The following UGDH variants were observed in gnomAD, a reference collection of about 807,000 sequenced individuals.
UGDH encodes the protein UDP-Glc dehydrogenase.
A neutral mutation model predicts 50.6 loss-of-function variants in UGDH; 38 were observed. The ratio of observed to expected loss-of-function variants is 0.75; its 90% CI spans 0.58 to 0.98. The LOEUF is 0.98. UGDH is among the 50% of genes least tolerant of loss of function. UGDH has a pLI of 0.00. For missense variants in UGDH, 465 were observed against 606.2 expected (o/e 0.77, Z 2.45); for synonymous variants, 168 against 199.9 (o/e 0.84, Z 1.35).
In UGDH at chr4:39,510,676, G is replaced by C; in HGVS notation, c.450C>G (p.Pro150=). The C allele has an allele frequency of 1.2e-6, 2 of 1,614,242 alleles. No homozygotes were observed. The highest frequency in any genetic ancestry group is 1.6e-4 in the Middle Eastern group (1 of 6,062). The stretch of plus-strand genomic sequence containing the variant: ...TTTTTTATACCTGTAAATTCAAGTT[G>C]GGTTTTGTGTTTGCATCAAATATGC... ...IRRIFDANTK[P]NLNLQVLSNP... The change falls in exon 4 of 12, where the codon CCC becomes CCG. Residue 150 remains proline (P), a synonymous_variant. Coordinates refer to ENST00000316423, the MANE Select transcript of UGDH (RefSeq NM_003359.4).
chr4:39,500,299 G>A (rs762961686), intron 11 of UGDH, 46 bp from the exon 12 acceptor site: 83 of 1,250,674 alleles, frequency 6.6e-5, no homozygotes, highest in Non-Finnish European at 8.1e-5. Flanking sequence ...AATTATATAA[G>A]TGTAAGAATT....
chr4:39,500,917 G>A (rs553213450), intron 11 of UGDH, among the ~76,000 whole-genome samples: 1 of 151,422 alleles, frequency 6.6e-6, no homozygotes, highest in South Asian at 2.1e-4. Context: ...GCCTCCCAGA[G>A]TGCTGGGATT....
chr4:39,505,888 T>C, intron 7 of UGDH, 140 bp from the exon 8 acceptor site: 1 of 766,556 alleles, frequency 1.3e-6, no homozygotes. Context: ...TTAACCAAAC[T>C]CTAGTGCCTA....
In UGDH at chr4:39,499,914, C is replaced by A; in HGVS notation, c.*229G>T. ...GCACTGTGGCGGGTGCCTGTAGTCCCAGCTACTTGGGAGGCTGAGCCAGGA... is the reference window on the plus strand; with the variant it reads ...GCACTGTGGCGGGTGCCTGTAGTCCAAGCTACTTGGGAGGCTGAGCCAGGA... On this transcript the variant is annotated 3_prime_UTR_variant, in exon 12 of 12. Coordinates refer to ENST00000316423, the MANE Select transcript of UGDH (RefSeq NM_003359.4). 1 of 321,114 alleles carries A rather than the reference C, an allele frequency of 3.1e-6. No individual in the cohort carries two copies. The highest frequency in any genetic ancestry group is 5.7e-6 in the Non-Finnish European group (1 of 174,962). 19.9% of individuals were successfully genotyped at this position (321,114 alleles called of 1,614,324 possible). A position where few individuals can be genotyped will look rare whatever the true frequency, so the allele number is the denominator to read the frequency against.
chr4:39,527,394 C>A lies in UGDH; in HGVS notation c.-119G>T, dbSNP rs1450767251. ...CCACCCGCGCCCCGCTCGATCTGAG[C>A]TCCCTCTCGGCGCACGCCCCTCCCT... On this transcript the variant is annotated 5_prime_UTR_variant, in exon 1 of 12. Coordinates refer to ENST00000316423, the MANE Select transcript of UGDH (RefSeq NM_003359.4). The A allele has an allele frequency of 3.8e-6, 1 of 260,390 alleles. No individual in the cohort carries two copies. The highest frequency in any genetic ancestry group is 4.5e-5 in the Admixed American group (1 of 22,242). The allele number at this position is 260,390 out of a possible 1,614,324, so 16.1% of individuals were successfully genotyped here.
At chr4:39,503,385 A>C (rs1265959043) in intron 11 of UGDH, among the ~76,000 whole-genome samples, 1 of 152,186 alleles carries the variant, frequency 6.6e-6, no homozygotes, top group African/African-American at 2.4e-5. Context: ...GGCCAGTACC[A>C]TTGAAACTCC....
chr4:39,510,252 C>A (rs1346588188), intron 5 of UGDH, 101 bp downstream of exon 5: 1 of 1,197,854 alleles, frequency 8.3e-7, no homozygotes, highest in Non-Finnish European at 1.2e-6. Flanking sequence ...AAAAGCATAA[C>A]CTCTTACTAC....
At chr4:39,511,091 T>C (rs1746227882) in intron 3 of UGDH, among the ~76,000 whole-genome samples, 1 of 152,170 alleles carries the variant, frequency 6.6e-6, no homozygotes, top group African/African-American at 2.4e-5. Flanking sequence ...CTACTATCTA[T>C]ATGCCGGATA....
intron 7 of UGDH, among the ~76,000 whole-genome samples, chr4:39,508,219 T>C (rs1746100780): frequency 6.6e-6 from 1 of 152,114 alleles, no homozygotes; most frequent in Non-Finnish European, 1.5e-5. Flanking sequence ...GAAACTGCTA[T>C]TATTATTGCT....
intron 11 of UGDH, among the ~76,000 whole-genome samples, chr4:39,501,413 A>C (rs1230660134): frequency 6.6e-6 from 1 of 151,666 alleles, no homozygotes; most frequent in Non-Finnish European, 1.5e-5. Flanking sequence ...AGCTGGGACC[A>C]CAGGTGCCTG....
chr4:39,521,646 C>T (rs1334112269), intron 1 of UGDH, 127 bp from the exon 2 acceptor site: 22 of 746,058 alleles, frequency 2.9e-5, no homozygotes, highest in Admixed American at 2.4e-4. Flanking sequence ...TTCCTACATT[C>T]GCTCTGAGGA....
At chr4:39,504,572 TC>T in intron 9 of UGDH, 64 bp from the exon 10 acceptor site, 3 of 1,367,864 alleles carry the variant, frequency 2.2e-6, no homozygotes, top group Non-Finnish European at 1.0e-6. Flanking sequence ...TTACAGTAGT[TC>T]CCCCCTTATC....
intron 3 of UGDH, among the ~76,000 whole-genome samples, chr4:39,513,856 A>G (rs10019290): frequency 0.38 from 57,333 of 151,960 alleles, 13,286 homozygotes; most frequent in East Asian, 0.69. Context: ...CTAAATCTCA[A>G]ATTAGAACTT....
intron 1 of UGDH, among the ~76,000 whole-genome samples, chr4:39,522,400 GA>G (rs1217378933): frequency 6.6e-6 from 1 of 152,204 alleles, no homozygotes; most frequent in East Asian, 1.9e-4. Context: ...AGATTCCAAA[GA>G]GAAGGAAAAT....
intron 2 of UGDH, among the ~76,000 whole-genome samples, chr4:39,515,609 T>C (rs925318411): frequency 1.3e-5 from 2 of 152,118 alleles, no homozygotes; most frequent in African/African-American, 4.8e-5. Context: ...CTAAATCTGA[T>C]TGGACCTGTA....
At chr4:39,521,652 G>T in intron 1 of UGDH, 133 bp from the exon 2 acceptor site, 1 of 703,454 alleles carries the variant, frequency 1.4e-6, no homozygotes, top group Non-Finnish European at 2.1e-6. Flanking sequence ...CATTCGCTCT[G>T]AGGAATTATG....
At chr4:39,511,874 A>G (rs1273315746) in intron 3 of UGDH, among the ~76,000 whole-genome samples, 6 of 150,792 alleles carry the variant, frequency 4.0e-5, no homozygotes, top group African/African-American at 1.5e-4. Flanking sequence ...CACCCGCCTA[A>G]TTTTTGTATT....
Position 39,505,266 on chromosome 4 carries a change from G to T in UGDH, c.1142C>A (p.Ser381Tyr), listed in dbSNP as rs1461226039. ...VPREQIVVDLSHPGVSEDDQV... is the reference protein window; with the variant it reads ...VPREQIVVDLYHPGVSEDDQV... ...GTCATCCTCTGAAACACCTGGATGA[G>T]AAAGATCCACAACTATTTGTTCCCT... Residue 381 changes from serine (S) to tyrosine (Y), a missense_variant, in exon 9 of 12, where the codon TCT (serine) becomes TAT (tyrosine). Transcript: ENST00000316423. 6.3e-7 allele frequency: 1 copy of T among 1,599,186 alleles called. No homozygotes were observed. Among genetic ancestry groups the T allele is most frequent in the Non-Finnish European group, 8.5e-7 (1 of 1,175,502 alleles).
rs10015698 is a variant in UGDH, at chr4:39,512,218, T to C, written c.265-1357A>G. ...AAAGTGCTCTGAAAAGTCTAAAACT[T>C]AAAGGGAATAGGAATTATTTTTGAA... On this transcript the variant is annotated intron_variant, in intron 3 of 11. Transcript: ENST00000316423. Among the ~76,000 whole-genome samples the C allele has an allele frequency of 8.6e-3, 1,311 of 152,228 alleles. 16 individuals carry two copies. Among genetic ancestry groups the C allele is most frequent in the African/African-American group, 0.03 (1,239 of 41,532 alleles).
Sources: gnomAD v4.1 joint callset for allele counts (sites outside exome capture counted in the v4.1 genomes callset) on GRCh38, gnomAD v4.1.1 for gene constraint, MANE v1.5 for transcripts, NCBI Gene and HGNC (gene_info 2026-07-23, HGNC 2026-07-21) for gene names.